The following DOCK5 variants were observed in gnomAD, a reference collection of about 807,000 sequenced individuals.
DOCK5 encodes the protein dedicator of cytokinesis 5, also known as dedicator of cytokinesis protein 5.
In DOCK5, 142 loss-of-function variants were observed where a neutral mutation model predicts 251.8. The ratio of observed to expected loss-of-function variants is 0.56; its 90% confidence interval spans 0.49 to 0.65. DOCK5 has a LOEUF of 0.65. DOCK5 is among the 30% of genes least tolerant of loss of function. The pLI is 0.00. For synonymous variants in DOCK5, 842 were observed against 835.5 expected (o/e 1.01, Z -0.13); for missense variants, 2,111 against 2,312.3 (o/e 0.91, Z 1.79).
chr8:25,319,589 C>T lies in DOCK5; in HGVS notation c.1455C>T (p.His485=). The T allele has an allele frequency of 6.3e-7, 1 of 1,579,646 alleles. No homozygotes were observed. The highest frequency in any genetic ancestry group is 8.6e-7 in the Non-Finnish European group (1 of 1,162,026). The change falls in exon 15 of 52, where the codon CAC becomes CAT. Residue 485 remains histidine (H), a synonymous_variant. Transcript: ENST00000276440. ...EEGKLLEKAI[H]PGAGYEGISE... ...CCTTCCATCTGAAGAAAGCAATTCA[C>T]CCTGGTGCTGGATATGAAGGCATTT...
Position 25,268,858 on chromosome 8 carries a change from A to T in DOCK5, c.141A>T (p.Gly47=), listed in dbSNP as rs1010994828. Residue 47 remains glycine, a synonymous_variant, in exon 3 of 52, where the codon GGA becomes GGT. Transcript: ENST00000276440. ...ILEMYEGWYR[G]YTLQNKSKKG... is the part of the protein sequence containing the mutation. ...TTGCTCTGACAGGTTGGTACAGAGG[A>T]TATACCCTCCAAAATAAATCTAAAA... 1 of 1,565,442 alleles carries T rather than the reference A, an allele frequency of 6.4e-7. No individual in the cohort carries two copies. Among genetic ancestry groups the T allele is most frequent in the South Asian group, 1.2e-5 (1 of 82,696 alleles).
chr8:25,347,845 CT>C (rs1563210590), intron 26 of DOCK5, among the ~76,000 whole-genome samples: 1 of 152,184 alleles, frequency 6.6e-6, no homozygotes, highest in Non-Finnish European at 1.5e-5. Flanking sequence ...GTCTCTTCCA[CT>C]TCTGACCCTA....
chr8:25,254,433 G>T (rs182112842), intron 2 of DOCK5, among the ~76,000 whole-genome samples: 22 of 152,156 alleles, frequency 1.4e-4, no homozygotes, highest in African/African-American at 5.3e-4. Context: ...AAAAGATAAT[G>T]TCAAGAGAAT....
intron 5 of DOCK5, among the ~76,000 whole-genome samples, chr8:25,284,369 G>A (rs1380176227): frequency 6.6e-6 from 1 of 152,210 alleles, no homozygotes; most frequent in Non-Finnish European, 1.5e-5. Flanking sequence ...TGTAAGAGAA[G>A]AGCTGGATCA....
chr8:25,266,677 T>C (rs533918262), intron 2 of DOCK5, among the ~76,000 whole-genome samples: 2 of 151,992 alleles, frequency 1.3e-5, no homozygotes, highest in East Asian at 3.9e-4. Flanking sequence ...ATTGAATTTA[T>C]GGAGTTCTGA....
intron 5 of DOCK5, among the ~76,000 whole-genome samples, chr8:25,281,038 G>A (rs1228191024): frequency 1.4e-5 from 2 of 145,474 alleles, no homozygotes; most frequent in Non-Finnish European, 3.0e-5. Flanking sequence ...TTTTTTTCTT[G>A]CTAAAACACA....
In DOCK5 at chr8:25,400,866, A is replaced by G. The variant is rs116115506; in HGVS notation, c.4789-63A>G. On this transcript the variant is annotated intron_variant, in intron 46 of 51. Coordinates refer to ENST00000276440, the MANE Select transcript of DOCK5 (RefSeq NM_024940.8). Reference sequence around the variant, plus strand: ...TTCCACCCCATCCCTCCCTTCCCCAACCAAATCAAAACGATCCCTCTTCCT... The same window carrying G: ...TTCCACCCCATCCCTCCCTTCCCCAGCCAAATCAAAACGATCCCTCTTCCT... 2,647 of 1,596,060 alleles carry G rather than the reference A, an allele frequency of 1.7e-3. 42 individuals carry two copies. In the African/African-American group the frequency reaches 0.032, roughly 19 times the overall value.
intron 1 of DOCK5, among the ~76,000 whole-genome samples, chr8:25,241,889 A>C (rs1414609723): frequency 6.6e-6 from 1 of 152,170 alleles, no homozygotes; most frequent in East Asian, 1.9e-4. Context: ...CATTCTCAGC[A>C]AAGTAACACA....
At chr8:25,327,633 C>G (rs917907587) in intron 18 of DOCK5, among the ~76,000 whole-genome samples, 1 of 152,222 alleles carries the variant, frequency 6.6e-6, no homozygotes, top group African/African-American at 2.4e-5. Context: ...GATACATCTA[C>G]TTCACCCCAT....
chr8:25,333,845 G>A (rs1278952639), intron 20 of DOCK5, among the ~76,000 whole-genome samples: 1 of 152,164 alleles, frequency 6.6e-6, no homozygotes, highest in African/African-American at 2.4e-5. Flanking sequence ...TCAGCTCCCT[G>A]AGGCCAAGGA....
chr8:25,342,340 A>T (rs1026821382), intron 24 of DOCK5, 61 bp from the exon 25 acceptor site: 3 of 1,342,492 alleles, frequency 2.2e-6, no homozygotes, highest in East Asian at 2.6e-5. Context: ...AGAAAAGTTT[A>T]TAATGATGCC....
Position 25,184,772 on chromosome 8 carries a change from G to T in DOCK5, c.-137G>T. On this transcript the variant is annotated 5_prime_UTR_variant, in exon 1 of 52. Coordinates refer to ENST00000276440, the MANE Select transcript of DOCK5 (RefSeq NM_024940.8). ...GGCGCGGGCGGCGCGGCGAGGAGGC[G>T]GCCCGCGGAGTCCAGCGAAGTTTGG... 2.5e-6 allele frequency: 2 copies of T among 784,618 alleles called. No individual in the cohort carries two copies. The highest frequency in any genetic ancestry group is 3.4e-6 in the Non-Finnish European group (2 of 590,722). 48.6% of individuals were successfully genotyped at this position (784,618 alleles called of 1,614,324 possible).
intron 18 of DOCK5, among the ~76,000 whole-genome samples, chr8:25,329,328 TCTC>T (rs1434090938): frequency 5.3e-5 from 8 of 152,126 alleles, no homozygotes; most frequent in African/African-American, 9.7e-5. Flanking sequence ...TGCTCAGTAA[TCTC>T]CTGCAGCTGG....
At position 25,363,031 on chromosome 8, in the gene DOCK5, C is replaced by T; in HGVS notation, c.2950-16C>T. The T allele has an allele frequency of 1.2e-6, 2 of 1,608,628 alleles. No individual in the cohort carries two copies. The highest frequency in any genetic ancestry group is 1.7e-6 in the Non-Finnish European group (2 of 1,175,112). On this transcript the variant is annotated splice_polypyrimidine_tract_variant and intron_variant, in intron 28 of 51. Coordinates refer to ENST00000276440, the MANE Select transcript of DOCK5 (RefSeq NM_024940.8). ...GTAACCCAGTTTTCCCCCAACCACT[C>T]CTCTGTTCTCCGCAGGACTTCCTCA... is the stretch of plus-strand genomic sequence containing the variant.
At chr8:25,314,288 T>C (rs2117188665) in intron 13 of DOCK5, among the ~76,000 whole-genome samples, 1 of 151,472 alleles carries the variant, frequency 6.6e-6, no homozygotes, top group African/African-American at 2.4e-5. Flanking sequence ...ATTTAATTTT[T>C]TTTTTTTTTT....
At position 25,341,744 on chromosome 8, in the gene DOCK5, A is replaced by G; in HGVS notation, c.2445A>G (p.Ala815=). 1 of 1,577,024 alleles carries G rather than the reference A, an allele frequency of 6.3e-7. No individual in the cohort carries two copies. The highest frequency in any genetic ancestry group is 8.6e-7 in the Non-Finnish European group (1 of 1,159,480). ...CTTTGGTGTTTTTCTTACAGGGGGC[A>G]GCTTTGAAGTACCTTCCTAGCATAA... is the stretch of plus-strand genomic sequence containing the variant. The part of the protein sequence containing the change: ...PLEEAVKIKG[A]ALKYLPSIIN... Residue 815 remains alanine, a synonymous_variant, in exon 24 of 52, where the codon GCA becomes GCG. Coordinates refer to ENST00000276440, the MANE Select transcript of DOCK5 (RefSeq NM_024940.8).
At chr8:25,331,818 AG>A (rs1362026446) in intron 18 of DOCK5, among the ~76,000 whole-genome samples, 3 of 146,606 alleles carry the variant, frequency 2.0e-5, no homozygotes, top group African/African-American at 7.7e-5. Context: ...AGAGAGAGAG[AG>A]AGAGAGAGAG....
chr8:25,246,656 T>C (rs187811699), intron 2 of DOCK5, among the ~76,000 whole-genome samples: 1 of 151,498 alleles, frequency 6.6e-6, no homozygotes, highest in Non-Finnish European at 1.5e-5. Flanking sequence ...TTTTAGGTTT[T>C]GGTCTCTTTC....
At chr8:25,312,929 CA>C (rs1805141242) in intron 13 of DOCK5, among the ~76,000 whole-genome samples, 1 of 151,998 alleles carries the variant, frequency 6.6e-6, no homozygotes, top group African/African-American at 2.4e-5. Flanking sequence ...GACTCCATCT[CA>C]AAAAAGAGAA....
Sources: gnomAD v4.1 joint callset for allele counts (sites outside exome capture counted in the v4.1 genomes callset) on GRCh38, gnomAD v4.1.1 for gene constraint, MANE v1.5 for transcripts, NCBI Gene and HGNC (gene_info 2026-07-23, HGNC 2026-07-21) for gene names.